Variants in LETMD1 observed in about 807,000 individuals in gnomAD.
The protein encoded by LETMD1 is LETM1 domain-containing protein 1.
In LETMD1, 30 loss-of-function variants were observed where a neutral mutation model predicts 43.9. That is an observed-to-expected ratio of 0.68 (90% CI 0.51 to 0.93). The LOEUF (loss-of-function observed/expected upper bound fraction) is 0.93. LETMD1 is among the 40% of genes least tolerant of loss of function. LETMD1 has a pLI of 0.00. For synonymous variants in LETMD1, 176 were observed against 163.1 expected (o/e 1.08, Z -0.60); for missense variants, 413 against 447.7 (o/e 0.92, Z 0.70).
At chr12:51,066,053 C>T in the LETMD1 span, among the ~76,000 whole-genome samples, 1 of 152,212 alleles carries the variant, frequency 6.6e-6, no homozygotes, top group East Asian at 1.9e-4. Flanking sequence ...GGCACGGTGG[C>T]TCATGCCTGT....
chr12:51,058,124 G>A lies in LETMD1; in HGVS notation c.1008G>A (p.Leu336=). The A allele has an allele frequency of 6.3e-7, 1 of 1,597,110 alleles. No homozygotes were observed. Among genetic ancestry groups the A allele is most frequent in the Non-Finnish European group, 8.6e-7 (1 of 1,164,380 alleles). Residue 336 remains leucine, a synonymous_variant, in exon 8 of 9, where the codon CTG becomes CTA. Transcript: ENST00000262055. ...LGEWLQISCS[L]KEAELSLLLH... is the part of the protein sequence containing the mutation. Reference sequence around the variant, plus strand: ...AATGGCTGCAGATTTCCTGCAGCCTGAAAGGTAAAACACATTTCTGTGGTT... The same window carrying A: ...AATGGCTGCAGATTTCCTGCAGCCTAAAAGGTAAAACACATTTCTGTGGTT...
At chr12:51,063,828 C>G (rs1368287156), downstream of LETMD1, 1 of 1,613,320 alleles carries the variant, frequency 6.2e-7, no homozygotes, top group Non-Finnish European at 8.5e-7. Flanking sequence ...CATCCCACAG[C>G]CCTCTTCATT....
Position 51,056,007 on chromosome 12 carries a change from G to T in LETMD1, c.646G>T (p.Asp216Tyr), listed in dbSNP as rs1311151028. 1 of 1,613,758 alleles carries T rather than the reference G, an allele frequency of 6.2e-7. No homozygotes were observed. The highest frequency in any genetic ancestry group is 1.3e-5 in the African/African-American group (1 of 74,914). Residue 216 changes from aspartate (D) to tyrosine (Y), a missense_variant, in exon 5 of 9, where the codon GAT becomes TAT. Transcript: ENST00000262055. Reference sequence around the variant, plus strand: ...TGCAGGACTCCGGTGGCGTCTGACAGATCTGTGCACCAAGGTATTCCTGCA... The same window carrying T: ...TGCAGGACTCCGGTGGCGTCTGACATATCTGTGCACCAAGGTATTCCTGCA... ...SDAGLRWRLT[D>Y]LCTKIQRGTH...
chr12:51,059,647 T>A lies in LETMD1; in HGVS notation c.*216T>A. 1.8e-6 allele frequency: 1 copy of A among 565,110 alleles called. No homozygotes were observed. Among genetic ancestry groups the A allele is most frequent in the Non-Finnish European group, 3.2e-6 (1 of 309,038 alleles). 35.0% of individuals were successfully genotyped at this position (565,110 alleles called of 1,614,324 possible). ...AAACAAACCCTCTTGCTAGGGGTGG[T>A]CCGTGTGAGGTGTCATCCTGTCCCC... On this transcript the variant is annotated 3_prime_UTR_variant, in exon 9 of 9. Transcript: ENST00000262055.
intron 1 of LETMD1, chr12:51,048,793 C>G (rs1033856445): frequency 6.5e-5 from 36 of 551,028 alleles, no homozygotes; most frequent in Non-Finnish European, 1.1e-4. Context: ...TCAAATTGTC[C>G]CACAGGCATT....
intron 2 of LETMD1, among the ~76,000 whole-genome samples, chr12:51,049,900 G>A (rs1331097497): frequency 6.6e-6 from 1 of 152,178 alleles, no homozygotes; most frequent in Non-Finnish European, 1.5e-5. Context: ...CCAAGTAAAT[G>A]TTAACTTATT....
At chr12:51,051,953 A>C in intron 2 of LETMD1, 139 bp from the exon 3 acceptor site, 1 of 657,108 alleles carries the variant, frequency 1.5e-6, no homozygotes, top group South Asian at 2.5e-5. Flanking sequence ...CAGGAGTTTC[A>C]AGTTACCTAG....
chr12:51,051,327 T>C (rs796549853), intron 2 of LETMD1, among the ~76,000 whole-genome samples: 34 of 151,604 alleles, frequency 2.2e-4, no homozygotes, highest in African/African-American at 7.5e-4. Context: ...TTGCTTGAAC[T>C]CAGGAGGTGG....
At chr12:51,058,383 TC>T (rs1416097159) in intron 8 of LETMD1, 5 of 494,696 alleles carry the variant, frequency 1.0e-5, no homozygotes, top group African/African-American at 9.7e-5. Flanking sequence ...CCTTGGCACT[TC>T]CTTATGGGGG....
chr12:51,064,395 T>C, downstream of LETMD1: 1 of 1,614,142 alleles, frequency 6.2e-7, no homozygotes. Flanking sequence ...CTCTGCACTC[T>C]GCAGGTGCAT....
intron 7 of LETMD1, chr12:51,057,589 G>T: frequency 5.3e-6 from 1 of 189,868 alleles, no homozygotes; most frequent in Non-Finnish European, 1.1e-5. Context: ...TTTTCAAATT[G>T]CCATGAGGAA....
chr12:51,064,512 G>T, downstream of LETMD1: 1 of 1,612,872 alleles, frequency 6.2e-7, no homozygotes, highest in Non-Finnish European at 8.5e-7. Context: ...CTCATCTGGG[G>T]CTGCTGGGCG....
Position 51,056,358 on chromosome 12 carries a change from G to C in LETMD1, c.771G>C (p.Leu257Phe), listed in dbSNP as rs1947727208. Residue 257 changes from leucine to phenylalanine, a missense_variant, in exon 7 of 9, where the codon TTG becomes TTC. Transcript: ENST00000262055. Reference sequence around the variant, plus strand: ...ATGTGGTTGTGTTACAGAAAGCCTTGAGCCGGGCCATGCTTCTCACATCTT... The same window carrying C: ...ATGTGGTTGTGTTACAGAAAGCCTTCAGCCGGGCCATGCTTCTCACATCTT... ...NQLQALHVKA[L>F]SRAMLLTSYL... The C allele has an allele frequency of 6.2e-7, 1 of 1,614,168 alleles. No homozygotes were observed. Among genetic ancestry groups the C allele is most frequent in the East Asian group, 2.2e-5 (1 of 44,882 alleles).
In LETMD1 at chr12:51,055,566, G is replaced by A. The variant is rs147939585; in HGVS notation, c.474-269G>A. ...TGTAGTCCCAGCTACTCAGTAGGCTGTGGTGGGAGGATTGCTTGAGCCTAG... is the reference window on the plus strand; with the variant it reads ...TGTAGTCCCAGCTACTCAGTAGGCTATGGTGGGAGGATTGCTTGAGCCTAG... On this transcript the variant is annotated intron_variant, in intron 4 of 8. Coordinates refer to ENST00000262055, the MANE Select transcript of LETMD1 (RefSeq NM_015416.5). The A allele has an allele frequency of 4.4e-3, 1,388 of 315,416 alleles. 15 individuals are homozygous for A. Among genetic ancestry groups the A allele is most frequent in the African/African-American group, 0.028 (1,269 of 45,844 alleles). The allele number at this position is 315,416 out of a possible 1,614,324, so 19.5% of individuals were successfully genotyped here.
chr12:51,059,170 C>T (rs550472668), intron 8 of LETMD1, 191 bp from the exon 9 acceptor site: 424 of 572,314 alleles, frequency 7.4e-4, no homozygotes, highest in Non-Finnish European at 1.2e-3. Flanking sequence ...TGAGTTGATA[C>T]GAATATATAG....
chr12:51,064,245 G>A (rs757705633), downstream of LETMD1: 1 of 1,613,390 alleles, frequency 6.2e-7, no homozygotes, highest in Non-Finnish European at 8.5e-7. Flanking sequence ...GATGAGAATG[G>A]GGGCTGTAAG....
chr12:51,066,411 C>T, the LETMD1 span, among the ~76,000 whole-genome samples: 180 of 149,700 alleles, frequency 1.2e-3, no homozygotes, highest in African/African-American at 3.9e-3. Context: ...CGAGATCACG[C>T]GCTACGGCAC....
intron 4 of LETMD1, 170 bp from the exon 5 acceptor site, chr12:51,055,665 T>TTAA (rs770911950): frequency 9.3e-5 from 14 of 150,390 alleles, no homozygotes; most frequent in Non-Finnish European, 1.4e-4. Context: ...CCCTGTCTCT[T>TTAA]AAAAAAAAAA....
the LETMD1 span, among the ~76,000 whole-genome samples, chr12:51,066,286 C>G: frequency 8.5e-5 from 13 of 152,088 alleles, no homozygotes; most frequent in East Asian, 2.5e-3. Flanking sequence ...AACGCCGTCT[C>G]TACTAAAAAT....
Sources: allele counts gnomAD v4.1 joint callset (sites outside exome capture counted in the v4.1 genomes callset), GRCh38; gene constraint gnomAD v4.1.1; transcripts MANE v1.5; gene names NCBI Gene and HGNC (gene_info 2026-07-23, HGNC 2026-07-21).